EXOC5: variants seen among roughly 807,000 people sequenced by gnomAD.
EXOC5 encodes the protein exocyst complex component 5, also known as SEC10-like 1.
A neutral mutation model predicts 90.8 loss-of-function variants in EXOC5; 17 were observed. The ratio of observed to expected loss-of-function variants is 0.19; its 90% confidence interval spans 0.13 to 0.28. EXOC5 has a LOEUF of 0.28. Ranked by LOEUF, EXOC5 falls within the 10% of genes least tolerant of loss-of-function variation. EXOC5 has a pLI of 1.00. For missense variants in EXOC5, 569 were observed against 830.6 expected, an observed-to-expected ratio of 0.69 and a Z score of 3.87; for synonymous variants, 260 against 270.0, an observed-to-expected ratio of 0.96 and a Z score of 0.36.
At chr14:57,249,864 T>G (rs1396321431) in intron 1 of EXOC5, among the ~76,000 whole-genome samples, 3 of 152,106 alleles carry the variant, frequency 2.0e-5, no homozygotes, top group African/African-American at 7.2e-5. Flanking sequence ...CTCCACCTCC[T>G]GGGTTCAAGC....
Position 57,202,980 on chromosome 14 carries a change from C to T in EXOC5, c.*5629G>A, listed in dbSNP as rs1422928783. Reference sequence around the variant, plus strand: ...CTTATAAAATATTTTCACATAACTTCATGTGAATCCCCCATGTTATCCTCT... The same window carrying T: ...CTTATAAAATATTTTCACATAACTTTATGTGAATCCCCCATGTTATCCTCT... On this transcript the variant is annotated 3_prime_UTR_variant, in exon 18 of 18. Transcript: ENST00000621441. 1 of 152,200 alleles carries T rather than the reference C, an allele frequency of 6.6e-6. No homozygotes were observed. The highest frequency in any genetic ancestry group is 6.5e-5 in the Admixed American group (1 of 15,270). The allele number at this position is 152,200 out of a possible 1,614,324, so 9.4% of individuals were successfully genotyped here. A position where few individuals can be genotyped will look rare whatever the true frequency, so the allele number is the denominator to read the frequency against.
Position 57,235,749 on chromosome 14 carries a change from T to G in EXOC5, c.631A>C (p.Arg211=), listed in dbSNP as rs1883637266. The G allele has an allele frequency of 1.3e-6, 2 of 1,555,410 alleles. No homozygotes were observed. Among genetic ancestry groups the G allele is most frequent in the African/African-American group, 2.7e-5 (2 of 73,642 alleles). ...TSAQRRGEIS[R]MREVAAVLLH... Reference sequence around the variant, plus strand: ...AAAACTGCTGCTACTTCTCTCATTCTGGAGATTTCACCTCTTCTTTGAGCA... The same window carrying G: ...AAAACTGCTGCTACTTCTCTCATTCGGGAGATTTCACCTCTTCTTTGAGCA... The change falls in exon 7 of 18, where the codon AGA becomes CGA. Residue 211 remains arginine (R), a synonymous_variant. Coordinates refer to ENST00000621441, the MANE Select transcript of EXOC5 (RefSeq NM_006544.4).
intron 7 of EXOC5, among the ~76,000 whole-genome samples, chr14:57,234,510 C>CGTGTGTGTGTGTGT (rs375548706): frequency 3.8e-5 from 5 of 130,632 alleles, no homozygotes; most frequent in Admixed American, 1.5e-4. Context: ...TGTATATATA[C>CGTGTGTGTGTGTGT]GTGTGTGTGT....
chr14:57,263,403 G>A (rs1884573335), intron 1 of EXOC5, among the ~76,000 whole-genome samples: 1 of 151,532 alleles, frequency 6.6e-6, no homozygotes, highest in Non-Finnish European at 1.5e-5. Context: ...CTAGGAGGTC[G>A]ACGCTGCAGT....
At chr14:57,210,339 A>C (rs920345598) in intron 15 of EXOC5, among the ~76,000 whole-genome samples, 1 of 152,196 alleles carries the variant, frequency 6.6e-6, no homozygotes, top group Non-Finnish European at 1.5e-5. Context: ...CATTAATTTA[A>C]TTCCTTAACA....
chr14:57,201,529 CACACCACACATAT>C lies in EXOC5; in HGVS notation c.*7067_*7079del, dbSNP rs1356639551. 187 of 140,274 alleles carry C rather than the reference CACACCACACATAT, an allele frequency of 1.3e-3. 3 individuals carry two copies. Among genetic ancestry groups the C allele is most frequent in the African/African-American group, 5.0e-3 (174 of 34,700 alleles). The allele number at this position is 140,274 out of a possible 1,614,324, so 8.7% of individuals were successfully genotyped here. A position where few individuals can be genotyped will look rare whatever the true frequency, so the allele number is the denominator to read the frequency against. Reference sequence around the variant, plus strand: ...ACACACATATGTATATATATACACACACACCACACATATACATATATTTTTATATATATTAATA... The same window carrying C: ...ACACACATATGTATATATATACACACACATATATTTTTATATATATTAATA... On this transcript the variant is annotated 3_prime_UTR_variant, in exon 18 of 18. Coordinates refer to ENST00000621441, the MANE Select transcript of EXOC5 (RefSeq NM_006544.4).
intron 1 of EXOC5, among the ~76,000 whole-genome samples, chr14:57,266,519 C>A (rs1884672480): frequency 6.6e-6 from 1 of 151,922 alleles, no homozygotes; most frequent in African/African-American, 2.4e-5. Flanking sequence ...AAGCAACAAG[C>A]TACATATAGT....
intron 7 of EXOC5, among the ~76,000 whole-genome samples, chr14:57,234,787 A>T (rs1452156516): frequency 6.6e-6 from 1 of 151,390 alleles, no homozygotes; most frequent in African/African-American, 2.4e-5. Context: ...CTGATCTCGA[A>T]CTCCTGAGCT....
intron 1 of EXOC5, among the ~76,000 whole-genome samples, chr14:57,259,023 C>T (rs1383876456): frequency 1.3e-5 from 2 of 152,166 alleles, no homozygotes; most frequent in Non-Finnish European, 2.9e-5. Context: ...ATGGATACCA[C>T]TGTCTAACAA....
intron 3 of EXOC5, among the ~76,000 whole-genome samples, chr14:57,246,028 C>A (rs577921890): frequency 6.6e-6 from 1 of 151,326 alleles, no homozygotes; most frequent in African/African-American, 2.4e-5. Flanking sequence ...CCAGCCTGGG[C>A]GACAGAGTAA....
intron 5 of EXOC5, among the ~76,000 whole-genome samples, chr14:57,238,369 TATATATAC>T (rs1400693913): frequency 1.0e-5 from 1 of 99,344 alleles, no homozygotes. Flanking sequence ...TATATATATA[TATATATAC>T]ACACACACAC....
chr14:57,239,829 C>T (rs948380039), intron 4 of EXOC5, among the ~76,000 whole-genome samples, 170 bp from the exon 5 acceptor site: 2 of 152,092 alleles, frequency 1.3e-5, no homozygotes, highest in Non-Finnish European at 2.9e-5. Flanking sequence ...AACAAGAATA[C>T]ATTTGGGGTG....
rs1360779148 is a variant in EXOC5 at position 57,205,582 on chromosome 14, T to C, written c.*3027A>G. 1.7e-5 allele frequency: 5 copies of C among 291,278 alleles called. No homozygotes were observed. The highest frequency in any genetic ancestry group is 3.3e-5 in the Non-Finnish European group (5 of 152,188). 18.0% of individuals were successfully genotyped at this position (291,278 alleles called of 1,614,324 possible). Reference sequence around the variant, plus strand: ...GGCATTTCAAAAATCAAAATCTCTTTATCCAGATCCTTGTAAATATTCACC... The same window carrying C: ...GGCATTTCAAAAATCAAAATCTCTTCATCCAGATCCTTGTAAATATTCACC... On this transcript the variant is annotated 3_prime_UTR_variant, in exon 18 of 18. Coordinates refer to ENST00000621441, the MANE Select transcript of EXOC5 (RefSeq NM_006544.4).
chr14:57,267,006 T>C (rs1392602886), intron 1 of EXOC5, among the ~76,000 whole-genome samples: 4 of 152,158 alleles, frequency 2.6e-5, no homozygotes, highest in Non-Finnish European at 5.9e-5. Flanking sequence ...ACAACATATA[T>C]AACAGTTTTC....
At chr14:57,237,944 A>C (rs560350274) in intron 5 of EXOC5, among the ~76,000 whole-genome samples, 5 of 152,240 alleles carry the variant, frequency 3.3e-5, no homozygotes, top group African/African-American at 1.2e-4. Context: ...TAAAAAACTA[A>C]AATACCACGC....
chr14:57,213,741 G>A (rs1882893605), intron 15 of EXOC5, among the ~76,000 whole-genome samples: 1 of 152,008 alleles, frequency 6.6e-6, no homozygotes, highest in Admixed American at 6.6e-5. Context: ...GGCTGAGGTG[G>A]GTGGATCACT....
intron 1 of EXOC5, among the ~76,000 whole-genome samples, chr14:57,254,660 A>G (rs547362652): frequency 5.3e-5 from 8 of 152,238 alleles, no homozygotes; most frequent in Non-Finnish European, 5.9e-5. Context: ...TTAACTCCCA[A>G]TGTGATGGTA....
At chr14:57,266,864 A>G (rs1176702792) in intron 1 of EXOC5, among the ~76,000 whole-genome samples, 1 of 151,956 alleles carries the variant, frequency 6.6e-6, no homozygotes, top group African/African-American at 2.4e-5. Context: ...AAAAAATCAA[A>G]CATATTTCCA....
Position 57,209,937 on chromosome 14 carries a change from G to T in EXOC5, c.1722+16C>A. On this transcript the variant is annotated intron_variant, in intron 16 of 17. Transcript: ENST00000621441. ...AATGTTAACAAAGTATTAACAAACTGAATGATTTTACTCACATTAGTATAT... is the reference window on the plus strand; with the variant it reads ...AATGTTAACAAAGTATTAACAAACTTAATGATTTTACTCACATTAGTATAT... 2 of 1,331,644 alleles carry T rather than the reference G, an allele frequency of 1.5e-6. No homozygotes were observed. The highest frequency in any genetic ancestry group is 1.1e-6 in the Non-Finnish European group (1 of 935,860). 82.5% of individuals were successfully genotyped at this position (1,331,644 alleles called of 1,614,324 possible).
Sources: allele counts gnomAD v4.1 joint callset (sites outside exome capture counted in the v4.1 genomes callset), GRCh38; gene constraint gnomAD v4.1.1; transcripts MANE v1.5; gene names NCBI Gene and HGNC (gene_info 2026-07-23, HGNC 2026-07-21).